Variants in DOK6 observed in about 807,000 individuals in gnomAD.
The protein encoded by DOK6 is docking protein 6, also known as downstream of tyrosine kinase 6.
In DOK6, 22 loss-of-function variants were observed where a neutral mutation model predicts 44.0. The ratio of observed to expected loss-of-function variants is 0.50; its 90% CI spans 0.36 to 0.71. The LOEUF is 0.71. Ranked by LOEUF, DOK6 falls within the 30% of genes least tolerant of loss-of-function variation. The pLI, the probability that DOK6 is intolerant of heterozygous loss-of-function variation, is 0.00. For synonymous variants in DOK6, 166 were observed against 145.5 expected, an observed-to-expected ratio of 1.14 and a Z score of -1.01; for missense variants, 340 against 416.4, an observed-to-expected ratio of 0.82 and a Z score of 1.60.
chr18:69,570,528 AG>A (rs1220055531), intron 2 of DOK6, among the ~76,000 whole-genome samples: 1 of 152,148 alleles, frequency 6.6e-6, no homozygotes, highest in Non-Finnish European at 1.5e-5. Context: ...AATTTGAAAA[AG>A]ATAATGGCTG....
intron 2 of DOK6, among the ~76,000 whole-genome samples, chr18:69,591,884 G>C (rs1983630346): frequency 6.6e-6 from 1 of 151,996 alleles, no homozygotes; most frequent in African/African-American, 2.4e-5. Flanking sequence ...GTTCATATCT[G>C]TATAAGGCCT....
chr18:69,591,074 C>G (rs775720982), intron 2 of DOK6, among the ~76,000 whole-genome samples: 16 of 152,124 alleles, frequency 1.1e-4, no homozygotes, highest in Non-Finnish European at 2.2e-4. Context: ...ACAATAGTAG[C>G]AGTTATATTT....
chr18:69,440,961 A>C (rs7231561), intron 1 of DOK6, among the ~76,000 whole-genome samples: 45,185 of 152,024 alleles, frequency 0.3, 7,052 homozygotes, highest in Middle Eastern at 0.52. Flanking sequence ...CTACTATTTG[A>C]TTTTCAATAG....
chr18:69,563,656 T>C (rs1176216088), intron 1 of DOK6, among the ~76,000 whole-genome samples: 1 of 52,634 alleles, frequency 1.9e-5, no homozygotes, highest in African/African-American at 7.9e-5. Context: ...TGTTGCGGGG[T>C]GGGGGGAGGG....
At chr18:69,566,042 C>A (rs947191315) in intron 2 of DOK6, among the ~76,000 whole-genome samples, 1 of 152,122 alleles carries the variant, frequency 6.6e-6, no homozygotes, top group South Asian at 2.1e-4. Flanking sequence ...TATTTGGATG[C>A]CTGGTCAGAG....
Position 69,538,778 on chromosome 18 carries a change from G to A in DOK6, c.67-25709G>A, listed in dbSNP as rs539752243. ...GTCACCTCTCTGATTGTCTTCCTGA[G>A]AATCTCATCCCTTCATTTCCCTTTA... On this transcript the variant is annotated intron_variant, in intron 1 of 7. Transcript: ENST00000382713. 3.6e-4 allele frequency among the ~76,000 whole-genome samples: 55 copies of A among 152,108 alleles called. 1 individual carries two copies. Among genetic ancestry groups the A allele is most frequent in the South Asian group, 2.1e-3 (10 of 4,810 alleles).
At chr18:69,642,852 C>A (rs1033097393) in intron 3 of DOK6, among the ~76,000 whole-genome samples, 1 of 152,124 alleles carries the variant, frequency 6.6e-6, no homozygotes, top group East Asian at 1.9e-4. Flanking sequence ...ACATAACTTT[C>A]TTTTTGTAAT....
Position 69,548,105 on chromosome 18 carries a change from T to C in DOK6, c.67-16382T>C, listed in dbSNP as rs916685781. On this transcript the variant is annotated intron_variant, in intron 1 of 7. Transcript: ENST00000382713. The stretch of plus-strand genomic sequence containing the variant: ...AGTAGCTGGGACTACAGGTGCCTGC[T>C]ACCACACCCGGCTAATTTTTTGTAT... Among the ~76,000 whole-genome samples the C allele has an allele frequency of 5.7e-4, 86 of 150,636 alleles. 5 individuals carry two copies. Among genetic ancestry groups the C allele is most frequent in the Admixed American group, 9.3e-4 (14 of 15,100 alleles).
chr18:69,477,567 A>G (rs1040634534), intron 1 of DOK6, among the ~76,000 whole-genome samples: 1 of 152,152 alleles, frequency 6.6e-6, no homozygotes, highest in African/African-American at 2.4e-5. Context: ...AACAAACAGT[A>G]TTTATTCCTC....
At chr18:69,627,922 G>A (rs538694569) in intron 3 of DOK6, among the ~76,000 whole-genome samples, 124 of 152,258 alleles carry the variant, frequency 8.1e-4, no homozygotes, top group African/African-American at 2.7e-3. Context: ...TTACCTTTGT[G>A]TGTAAAATAC....
rs559855959 is a variant in DOK6, at chr18:69,772,938, A to G, written c.856+15065A>G. On this transcript the variant is annotated intron_variant, in intron 7 of 7. Transcript: ENST00000382713. ...ATGGAAGAAAATATTTGCAAACTGT[A>G]TATCTGATAAGGAACTAATTTCTAA... Among the ~76,000 whole-genome samples the G allele has an allele frequency of 4.6e-5, 7 of 152,180 alleles. No homozygotes were observed. The South Asian group carries it at 1.5e-3, about 32-fold the overall frequency.
chr18:69,438,873 C>T (rs1238698126), intron 1 of DOK6, among the ~76,000 whole-genome samples: 5 of 152,148 alleles, frequency 3.3e-5, no homozygotes, highest in East Asian at 1.9e-4. Context: ...GTATTCAAGA[C>T]GAGCCTGGGC....
chr18:69,533,281 C>T (rs966298126), intron 1 of DOK6, among the ~76,000 whole-genome samples: 2 of 152,096 alleles, frequency 1.3e-5, no homozygotes, highest in African/African-American at 4.8e-5. Flanking sequence ...AGTATTAATT[C>T]AAAATTAGTT....
rs6146369 is a variant in DOK6 at position 69,536,979 on chromosome 18, CATTATTATT to C, written c.67-27486_67-27478del. Among the ~76,000 whole-genome samples the C allele has an allele frequency of 6.1e-4, 88 of 144,858 alleles. No homozygotes were observed. The East Asian group carries it at 0.01, about 17-fold the overall frequency. ...TTAACATACACGACAGAAGATTTAT[CATTATTATT>C]ATTATTATTATTATTATTATTTTAT... On this transcript the variant is annotated intron_variant, in intron 1 of 7. Coordinates refer to ENST00000382713, the MANE Select transcript of DOK6 (RefSeq NM_152721.6).
chr18:69,794,530 G>C (rs1980689922), intron 7 of DOK6, among the ~76,000 whole-genome samples: 1 of 152,168 alleles, frequency 6.6e-6, no homozygotes, highest in Admixed American at 6.5e-5. Context: ...TTATTTCACA[G>C]AATGGGATTT....
intron 1 of DOK6, among the ~76,000 whole-genome samples, chr18:69,461,583 A>G (rs1305300883): frequency 6.6e-6 from 1 of 152,158 alleles, no homozygotes; most frequent in Non-Finnish European, 1.5e-5. Context: ...TATTTAATCT[A>G]TTAATGTTAT....
intron 3 of DOK6, among the ~76,000 whole-genome samples, chr18:69,633,601 T>C (rs1000352632): frequency 6.6e-6 from 1 of 152,170 alleles, no homozygotes; most frequent in Non-Finnish European, 1.5e-5. Flanking sequence ...TAATCAAAAA[T>C]TTCCTATTTT....
intron 3 of DOK6, among the ~76,000 whole-genome samples, chr18:69,630,180 C>T (rs1032692780): frequency 2.0e-5 from 3 of 152,060 alleles, no homozygotes; most frequent in Non-Finnish European, 4.4e-5. Flanking sequence ...CCACCCTGTA[C>T]ACATAGTCAC....
chr18:69,479,428 C>G (rs1368724963), intron 1 of DOK6, among the ~76,000 whole-genome samples: 1 of 151,960 alleles, frequency 6.6e-6, no homozygotes, highest in Non-Finnish European at 1.5e-5. Context: ...AAAGGGATGT[C>G]GAGCCAGTTA....
Sources: gnomAD v4.1 joint callset for allele counts (sites outside exome capture counted in the v4.1 genomes callset) on GRCh38, gnomAD v4.1.1 for gene constraint, MANE v1.5 for transcripts, NCBI Gene and HGNC (gene_info 2026-07-23, HGNC 2026-07-21) for gene names.